ST6GALNAC3: variants seen among roughly 807,000 people sequenced by gnomAD.
The protein encoded by ST6GALNAC3 is alpha-N-acetylgalactosaminide alpha-2,6-sialyltransferase 3.
In ST6GALNAC3, 25 loss-of-function variants were observed where a neutral mutation model predicts 32.7. The observed-to-expected ratio is 0.76, with a 90% confidence interval of 0.56 to 1.07. The LOEUF (loss-of-function observed/expected upper bound fraction) is 1.07, where lower values mean the gene tolerates loss of function less well. Ranked by LOEUF, ST6GALNAC3 falls within the 50% of genes least tolerant of loss-of-function variation. The pLI, the probability that ST6GALNAC3 is intolerant of heterozygous loss-of-function variation, is 0.00. For synonymous variants in ST6GALNAC3, 129 were observed against 133.1 expected (o/e 0.97, Z 0.21); for missense variants, 355 against 382.4 (o/e 0.93, Z 0.60).
chr1:76,300,565 T>TATA (rs1660668449), intron 1 of ST6GALNAC3, among the ~76,000 whole-genome samples: 1 of 151,988 alleles, frequency 6.6e-6, no homozygotes, highest in Non-Finnish European at 1.5e-5. Context: ...GTCCTTAAGC[T>TATA]GCTGCCTAAG....
chr1:76,104,877 C>T (rs1218046728), intron 1 of ST6GALNAC3, among the ~76,000 whole-genome samples: 2 of 152,062 alleles, frequency 1.3e-5, no homozygotes, highest in Admixed American at 1.3e-4. Flanking sequence ...AGGCAAAGTC[C>T]CCTTTTTAAA....
intron 2 of ST6GALNAC3, among the ~76,000 whole-genome samples, chr1:76,369,778 G>T (rs1244681811): frequency 1.3e-5 from 2 of 152,112 alleles, no homozygotes; most frequent in East Asian, 3.9e-4. Flanking sequence ...GAGACTTGAG[G>T]GGAAATATTC....
At position 76,549,224 on chromosome 1, in the gene ST6GALNAC3, T is replaced by C. The variant is rs184997543; in HGVS notation, c.624-78228T>C. On this transcript the variant is annotated intron_variant, in intron 3 of 4. Coordinates refer to ENST00000328299, the MANE Select transcript of ST6GALNAC3 (RefSeq NM_152996.4). ...ATAGGCCCTTGAGGTCTGTTGATAC[T>C]GTTATATTTTAAGAAACAAAACATC... Among the ~76,000 whole-genome samples the C allele has an allele frequency of 2.2e-3, 341 of 152,310 alleles. 1 individual carries two copies. The highest frequency in any genetic ancestry group is 7.8e-3 in the African/African-American group (323 of 41,576).
intron 1 of ST6GALNAC3, among the ~76,000 whole-genome samples, chr1:76,290,489 A>AT (rs1378190745): frequency 2.0e-5 from 3 of 152,082 alleles, no homozygotes; most frequent in East Asian, 1.9e-4. Flanking sequence ...TTCTGTTTTG[A>AT]TTTTTTTAAC....
intron 3 of ST6GALNAC3, among the ~76,000 whole-genome samples, chr1:76,501,249 T>C (rs1661159708): frequency 6.6e-6 from 1 of 152,198 alleles, no homozygotes; most frequent in Non-Finnish European, 1.5e-5. Flanking sequence ...GGCCAGAGCC[T>C]GTTCAATGAC....
At chr1:76,102,758 A>G (rs1219558178) in intron 1 of ST6GALNAC3, among the ~76,000 whole-genome samples, 3 of 151,930 alleles carry the variant, frequency 2.0e-5, no homozygotes, top group Non-Finnish European at 4.4e-5. Flanking sequence ...TTCAGTCATA[A>G]TTCATTTTGA....
At chr1:76,537,051 C>T (rs1663656850) in intron 3 of ST6GALNAC3, among the ~76,000 whole-genome samples, 1 of 152,202 alleles carries the variant, frequency 6.6e-6, no homozygotes, top group African/African-American at 2.4e-5. Flanking sequence ...CTCAGTGCCA[C>T]ATGGCACTTA....
At chr1:76,290,518 C>T (rs1203155657) in intron 1 of ST6GALNAC3, among the ~76,000 whole-genome samples, 1 of 152,032 alleles carries the variant, frequency 6.6e-6, no homozygotes, top group Non-Finnish European at 1.5e-5. Flanking sequence ...CGAATGCCAC[C>T]TCTTTGGGTA....
chr1:76,145,462 C>A (rs1372586107), intron 1 of ST6GALNAC3, among the ~76,000 whole-genome samples: 1 of 152,152 alleles, frequency 6.6e-6, no homozygotes, highest in African/African-American at 2.4e-5. Flanking sequence ...CACCTTAGAC[C>A]CACTGACTCA....
At chr1:76,219,801 C>G (rs905095844) in intron 1 of ST6GALNAC3, among the ~76,000 whole-genome samples, 1 of 152,166 alleles carries the variant, frequency 6.6e-6, no homozygotes, top group African/African-American at 2.4e-5. Flanking sequence ...CATACATAAT[C>G]TTGGTGTCCT....
intron 1 of ST6GALNAC3, among the ~76,000 whole-genome samples, chr1:76,182,795 G>A (rs1162437243): frequency 6.6e-6 from 1 of 151,722 alleles, no homozygotes; most frequent in African/African-American, 2.4e-5. Flanking sequence ...GCATAAAGTC[G>A]TAACATAGAT....
chr1:76,287,698 A>G (rs17098606), intron 1 of ST6GALNAC3, among the ~76,000 whole-genome samples: 6,430 of 152,220 alleles, frequency 0.042, 442 homozygotes, highest in African/African-American at 0.15. Flanking sequence ...AAATGTGCAC[A>G]CTGATACCCC....
chr1:76,208,139 C>A (rs566782570), intron 1 of ST6GALNAC3, among the ~76,000 whole-genome samples: 1 of 152,148 alleles, frequency 6.6e-6, no homozygotes, highest in Admixed American at 6.5e-5. Context: ...TCACTTACCT[C>A]ATCTCAGGGC....
chr1:76,258,264 G>A (rs1658029583), intron 1 of ST6GALNAC3, among the ~76,000 whole-genome samples: 1 of 152,088 alleles, frequency 6.6e-6, no homozygotes, highest in African/African-American at 2.4e-5. Flanking sequence ...TGAAGAAGAC[G>A]TTCATTCCAT....
At chr1:76,559,469 T>C (rs1377603074) in intron 3 of ST6GALNAC3, among the ~76,000 whole-genome samples, 3 of 152,166 alleles carry the variant, frequency 2.0e-5, no homozygotes, top group African/African-American at 7.2e-5. Flanking sequence ...AATTACTTTT[T>C]ACATTTGAAA....
chr1:76,074,855 C>T lies in ST6GALNAC3; in HGVS notation c.-12C>T. On this transcript the variant is annotated 5_prime_UTR_variant, in exon 1 of 5. Transcript: ENST00000328299. ...GCCCGCTGCTCGGTGGCAGGAGGGC[C>T]GGCGGAGCGCCATGGCCTGCATCCT... The T allele has an allele frequency of 3.1e-6, 5 of 1,589,212 alleles. No individual in the cohort carries two copies. Among genetic ancestry groups the T allele is most frequent in the Non-Finnish European group, 4.3e-6 (5 of 1,168,310 alleles).
chr1:76,226,561 C>T (rs1656081819), intron 1 of ST6GALNAC3, among the ~76,000 whole-genome samples: 1 of 152,148 alleles, frequency 6.6e-6, no homozygotes, highest in African/African-American at 2.4e-5. Flanking sequence ...GTTTAATTGG[C>T]TCACTATTCT....
chr1:76,300,544 A>G (rs921740778), intron 1 of ST6GALNAC3, among the ~76,000 whole-genome samples: 1 of 151,994 alleles, frequency 6.6e-6, no homozygotes, highest in Non-Finnish European at 1.5e-5. Flanking sequence ...ACTTATCTAG[A>G]TATAGCCTCT....
intron 1 of ST6GALNAC3, among the ~76,000 whole-genome samples, chr1:76,289,058 A>G (rs34995712): frequency 0.13 from 19,161 of 152,164 alleles, 1,776 homozygotes; most frequent in East Asian, 0.27. Flanking sequence ...ATAAACTCCA[A>G]TAAAAGCAGG....
Sources: gnomAD v4.1 joint callset for allele counts (sites outside exome capture counted in the v4.1 genomes callset) on GRCh38, gnomAD v4.1.1 for gene constraint, MANE v1.5 for transcripts, NCBI Gene and HGNC (gene_info 2026-07-23, HGNC 2026-07-21) for gene names.